The following FRMD3 variants were observed in gnomAD, a reference collection of about 807,000 sequenced individuals.
The protein encoded by FRMD3 is FERM domain containing 3.
FRMD3 carries 33 observed loss-of-function variants against 70.2 expected under a neutral mutation model. The ratio of observed to expected loss-of-function variants is 0.47; its 90% confidence interval spans 0.36 to 0.63. The LOEUF (loss-of-function observed/expected upper bound fraction) is 0.63. Among genes scored for constraint, FRMD3 ranks in the 20% least tolerant of loss-of-function variants. The pLI, the probability that FRMD3 is intolerant of heterozygous loss-of-function variation, is 0.00. For synonymous variants in FRMD3, 279 were observed against 255.9 expected, an observed-to-expected ratio of 1.09 and a Z score of -0.86; for missense variants, 632 against 711.4, an observed-to-expected ratio of 0.89 and a Z score of 1.27.
intron 2 of FRMD3, among the ~76,000 whole-genome samples, chr9:83,376,237 C>G (rs527747967): frequency 6.6e-6 from 1 of 150,680 alleles, no homozygotes; most frequent in African/African-American, 2.4e-5. Context: ...CTCCAACTTA[C>G]CCATGTGGAC....
At chr9:83,391,565 G>C (rs1403811256) in intron 1 of FRMD3, among the ~76,000 whole-genome samples, 2 of 152,176 alleles carry the variant, frequency 1.3e-5, no homozygotes, top group Non-Finnish European at 2.9e-5. Flanking sequence ...GATTGTTCAT[G>C]ACAGATACTG....
intron 3 of FRMD3, 116 bp from the exon 4 acceptor site, chr9:83,349,873 AG>A (rs1257865067): frequency 2.0e-6 from 1 of 503,802 alleles, no homozygotes; most frequent in Non-Finnish European, 3.6e-6. Flanking sequence ...GGGGGCCAGG[AG>A]GGGGTGATTG....
At chr9:83,384,914 A>G (rs978250136) in intron 2 of FRMD3, among the ~76,000 whole-genome samples, 1 of 152,176 alleles carries the variant, frequency 6.6e-6, no homozygotes, top group African/African-American at 2.4e-5. Flanking sequence ...AGCATCCTAC[A>G]ACCCAGTCCT....
chr9:83,420,625 G>A (rs1007483760), intron 1 of FRMD3, among the ~76,000 whole-genome samples: 6 of 152,212 alleles, frequency 3.9e-5, no homozygotes, highest in East Asian at 1.9e-4. Flanking sequence ...TCACCCTCCC[G>A]ATCTCATGTT....
chr9:83,579,479 C>A, the FRMD3 span, among the ~76,000 whole-genome samples: 1 of 152,002 alleles, frequency 6.6e-6, no homozygotes, highest in Admixed American at 6.6e-5. Context: ...AATAAACCCA[C>A]ACATATACAG....
the FRMD3 span, among the ~76,000 whole-genome samples, chr9:83,565,616 A>C: frequency 6.6e-6 from 1 of 152,216 alleles, no homozygotes; most frequent in African/African-American, 2.4e-5. Context: ...CCCTGTCAAA[A>C]TCTGACTGTC....
chr9:83,525,282 C>T (rs1587522910), intron 1 of FRMD3, among the ~76,000 whole-genome samples: 1 of 152,280 alleles, frequency 6.6e-6, no homozygotes, highest in African/African-American at 2.4e-5. Flanking sequence ...AATCATATTT[C>T]AAACGTTAGC....
the FRMD3 span, among the ~76,000 whole-genome samples, chr9:83,576,373 G>A: frequency 6.6e-6 from 1 of 151,836 alleles, no homozygotes; most frequent in Non-Finnish European, 1.5e-5. Flanking sequence ...AGGAAACCAG[G>A]AACAAAAGGG....
At chr9:83,351,063 T>C in intron 3 of FRMD3, 5 of 771,710 alleles carry the variant, frequency 6.5e-6, no homozygotes, top group Non-Finnish European at 7.9e-6. Flanking sequence ...AATGTGAATA[T>C]GAAACAACAT....
chr9:83,403,561 C>A (rs140609234), intron 1 of FRMD3, among the ~76,000 whole-genome samples: 2 of 152,194 alleles, frequency 1.3e-5, no homozygotes, highest in African/African-American at 4.8e-5. Flanking sequence ...CACGAGAAGA[C>A]GGAGTTAGCT....
chr9:83,409,737 G>A (rs1826226373), intron 1 of FRMD3, among the ~76,000 whole-genome samples: 1 of 152,226 alleles, frequency 6.6e-6, no homozygotes, highest in African/African-American at 2.4e-5. Context: ...ATGGGAAAAT[G>A]TATGCTCAAG....
intron 13 of FRMD3, among the ~76,000 whole-genome samples, chr9:83,261,328 G>T (rs1042637558): frequency 1.6e-4 from 25 of 152,108 alleles, no homozygotes; most frequent in Non-Finnish European, 8.8e-5. Flanking sequence ...GCCATCATTT[G>T]CCAGCCTCTT....
chr9:83,329,727 C>T (rs921246594), intron 6 of FRMD3, among the ~76,000 whole-genome samples: 1 of 152,178 alleles, frequency 6.6e-6, no homozygotes, highest in African/African-American at 2.4e-5. Context: ...GATTTTCCTG[C>T]TCTTCAAGGG....
intron 1 of FRMD3, among the ~76,000 whole-genome samples, chr9:83,481,558 A>G (rs1441285653): frequency 6.6e-6 from 1 of 152,204 alleles, no homozygotes; most frequent in African/African-American, 2.4e-5. Context: ...AAAAATATGG[A>G]AGAGGGTACT....
rs118118710 is a variant in FRMD3 at position 83,281,291 on chromosome 9, C to T, written c.1195+9312G>A. Among the ~76,000 whole-genome samples the T allele has an allele frequency of 8.7e-3, 1,329 of 152,288 alleles. 6 individuals carry two copies. The highest frequency in any genetic ancestry group is 0.014 in the Non-Finnish European group (925 of 68,024). ...GCAACAATAGGTTTAGTAATATTTT[C>T]ACCTTTCCTCTCCTGTGGTTTCTTA... On this transcript the variant is annotated intron_variant, in intron 13 of 13. Coordinates refer to ENST00000304195, the MANE Select transcript of FRMD3 (RefSeq NM_174938.6).
intron 1 of FRMD3, among the ~76,000 whole-genome samples, chr9:83,399,505 T>TCTC (rs35581700): frequency 1.3e-5 from 2 of 151,994 alleles, no homozygotes; most frequent in South Asian, 2.1e-4. Context: ...TTCTTCTTCT[T>TCTC]GTTCCAGATT....
At chr9:83,584,229 G>A in the FRMD3 span, among the ~76,000 whole-genome samples, 2 of 151,936 alleles carry the variant, frequency 1.3e-5, no homozygotes, top group African/African-American at 2.4e-5. Context: ...CCAGCTACTC[G>A]GGACCTGGGA....
intron 1 of FRMD3, among the ~76,000 whole-genome samples, chr9:83,516,664 T>A (rs376020020): frequency 6.6e-6 from 1 of 152,136 alleles, no homozygotes; most frequent in Non-Finnish European, 1.5e-5. Context: ...AACAACAGAA[T>A]ATACATTCTT....
chr9:83,538,840 A>G (rs1829961551), upstream of FRMD3, among the ~76,000 whole-genome samples: 1 of 152,070 alleles, frequency 6.6e-6, no homozygotes, highest in Non-Finnish European at 1.5e-5. This position sits in a 1 kb window ranked among gnomAD's most constrained non-coding sequence, Gnocchi z 4.7. Context: ...CCTGACCCAC[A>G]CCGCCAGGGG....
Sources: allele counts gnomAD v4.1 joint callset (sites outside exome capture counted in the v4.1 genomes callset), GRCh38; gene constraint gnomAD v4.1.1; non-coding constraint Gnocchi (gnomAD v3.1); transcripts MANE v1.5; gene names NCBI Gene and HGNC (gene_info 2026-07-23, HGNC 2026-07-21).